Variants in MMP26 observed in about 807,000 individuals in gnomAD.
MMP26 encodes the protein matrix metalloproteinase-26.
In MMP26, 33 loss-of-function variants were observed where a neutral mutation model predicts 31.0. That is an observed-to-expected ratio of 1.06 (90% CI 0.81 to 1.42). The LOEUF (loss-of-function observed/expected upper bound fraction) is 1.42. Ranked by LOEUF, MMP26 falls within the 40% of genes most tolerant of loss-of-function variation. The pLI is 0.00. For synonymous variants in MMP26, 122 were observed against 114.9 expected (o/e 1.06, Z -0.40); for missense variants, 347 against 316.1 (o/e 1.10, Z -0.74).
chr11:4,767,734 G>C (rs1848650814), intron 2 of MMP26, among the ~76,000 whole-genome samples: 1 of 152,110 alleles, frequency 6.6e-6, no homozygotes, highest in African/African-American at 2.4e-5. Context: ...TTGCAAGCTG[G>C]TGTGTGCTCT....
intron 2 of MMP26, among the ~76,000 whole-genome samples, chr11:4,906,009 A>G (rs1850881986): frequency 6.6e-6 from 1 of 152,144 alleles, no homozygotes. Flanking sequence ...TTCTCTGACT[A>G]ATTAAATACA....
At chr11:4,799,488 A>G (rs7950667) in intron 2 of MMP26, among the ~76,000 whole-genome samples, 56,068 of 151,986 alleles carry the variant, frequency 0.37, 11,428 homozygotes, top group African/African-American at 0.52. Flanking sequence ...CTCATGATAC[A>G]ATTACCTCCC....
At chr11:4,900,644 C>A (rs1564803139) in intron 2 of MMP26, among the ~76,000 whole-genome samples, 1 of 152,116 alleles carries the variant, frequency 6.6e-6, no homozygotes. Flanking sequence ...AGCTTAGGTT[C>A]TTTTCCATTA....
chr11:4,887,268 T>A (rs996556430), intron 2 of MMP26, among the ~76,000 whole-genome samples: 8 of 152,116 alleles, frequency 5.3e-5, no homozygotes, highest in Non-Finnish European at 1.0e-4. Flanking sequence ...CAGTTTACTC[T>A]TATATCTCTG....
At chr11:4,939,434 A>G (rs1162343296) in intron 2 of MMP26, among the ~76,000 whole-genome samples, 1 of 152,238 alleles carries the variant, frequency 6.6e-6, no homozygotes, top group East Asian at 1.9e-4. Flanking sequence ...AGCCCTTCTT[A>G]ATATCTCAGA....
intron 2 of MMP26, among the ~76,000 whole-genome samples, chr11:4,820,853 G>A (rs1849486485): frequency 6.6e-6 from 1 of 152,100 alleles, no homozygotes; most frequent in Non-Finnish European, 1.5e-5. Flanking sequence ...CAACAACACA[G>A]GGAACTCCCA....
At chr11:4,914,901 G>A (rs777651022) in intron 2 of MMP26, 2 of 1,614,148 alleles carry the variant, frequency 1.2e-6, no homozygotes, top group Admixed American at 1.7e-5. Flanking sequence ...GTGTAGAAGA[G>A]CAGCACAGCA....
intron 2 of MMP26, among the ~76,000 whole-genome samples, chr11:4,917,555 A>G (rs775870712): frequency 3.3e-5 from 5 of 152,184 alleles, no homozygotes; most frequent in African/African-American, 7.2e-5. Flanking sequence ...GGTGGCATTA[A>G]TAGTTTGGGC....
chr11:4,717,024 A>G (rs1482946199), intron 1 of MMP26, among the ~76,000 whole-genome samples: 1 of 152,098 alleles, frequency 6.6e-6, no homozygotes, highest in Non-Finnish European at 1.5e-5. Context: ...TGGCATTTCT[A>G]AAATATCTGA....
In MMP26 at chr11:4,756,482, G is replaced by GT. The variant is rs941372902; in HGVS notation, c.-216-10778dup. On this transcript the variant is annotated intron_variant, in intron 1 of 7. Coordinates refer to ENST00000380390, the MANE Select transcript of MMP26 (RefSeq NM_021801.5). ...AGCATAAAATATTTGACTTAAATAA[G>GT]TTTTTTTTTTAAATTACAAGCTTTC... Among the ~76,000 whole-genome samples, 352 of 149,540 alleles carry GT rather than the reference G, an allele frequency of 2.4e-3. 1 individual carries two copies. Among genetic ancestry groups the GT allele is most frequent in the African/African-American group, 6.7e-3 (275 of 40,914 alleles).
chr11:4,781,951 T>A (rs1848870124), intron 2 of MMP26, among the ~76,000 whole-genome samples: 1 of 152,208 alleles, frequency 6.6e-6, no homozygotes. Context: ...CCTTCCACCA[T>A]GATTGTGAGG....
chr11:4,979,657 A>C (rs561865457), intron 2 of MMP26, among the ~76,000 whole-genome samples: 41 of 152,246 alleles, frequency 2.7e-4, no homozygotes, highest in Non-Finnish European at 4.7e-4. Context: ...TTAGCATCAC[A>C]GTCCCTAACT....
intron 1 of MMP26, among the ~76,000 whole-genome samples, chr11:4,740,432 C>T (rs1038401714): frequency 6.1e-4 from 92 of 151,854 alleles, no homozygotes; most frequent in Admixed American, 1.6e-3. Context: ...GCCTGTAATC[C>T]CAGCACTTTG....
At chr11:4,724,187 TG>T in intron 1 of MMP26, 1 of 524,976 alleles carries the variant, frequency 1.9e-6, no homozygotes, top group Non-Finnish European at 3.4e-6. Flanking sequence ...GAGGCAGGAG[TG>T]GAGGCAGGCG....
chr11:4,729,830 A>C (rs991880811), intron 1 of MMP26, among the ~76,000 whole-genome samples: 1 of 151,990 alleles, frequency 6.6e-6, no homozygotes, highest in Admixed American at 6.6e-5. Flanking sequence ...CAAGTGGTAA[A>C]CAATTCTCCC....
At chr11:4,951,963 T>C (rs74052667) in intron 2 of MMP26, among the ~76,000 whole-genome samples, 3,180 of 124,408 alleles carry the variant, frequency 0.026, 687 homozygotes, top group African/African-American at 0.082. Flanking sequence ...TGATAACAAC[T>C]TCTTTGCAGC....
intron 2 of MMP26, chr11:4,882,291 C>T (rs1445425115): frequency 6.2e-7 from 1 of 1,613,842 alleles, no homozygotes; most frequent in Non-Finnish European, 8.5e-7. Context: ...ATCTGTAACC[C>T]ACTGAACTAT....
intron 1 of MMP26, chr11:4,711,368 C>A (rs1847860412): frequency 6.6e-6 from 1 of 152,130 alleles, no homozygotes; most frequent in Non-Finnish European, 1.5e-5. Context: ...AGACATATCC[C>A]AAACATTACA....
At chr11:4,884,449 GA>G (rs368065989) in intron 2 of MMP26, among the ~76,000 whole-genome samples, 1 of 151,776 alleles carries the variant, frequency 6.6e-6, no homozygotes, top group Non-Finnish European at 1.5e-5. Flanking sequence ...TCATCAAAAG[GA>G]AAAAAATACA....
Sources: gnomAD v4.1 joint callset for allele counts (sites outside exome capture counted in the v4.1 genomes callset) on GRCh38, gnomAD v4.1.1 for gene constraint, MANE v1.5 for transcripts, NCBI Gene and HGNC (gene_info 2026-07-23, HGNC 2026-07-21) for gene names.